Variants in UBE2E2 observed in about 807,000 individuals in gnomAD.
The protein encoded by UBE2E2 is ubiquitin conjugating enzyme E2 E2, also known as ubiquitin-conjugating enzyme E2 E2.
In UBE2E2, 6 loss-of-function variants were observed where a neutral mutation model predicts 24.7. The observed-to-expected ratio is 0.24, with a 90% CI of 0.13 to 0.48. The LOEUF is 0.48. UBE2E2 is among the 20% of genes least tolerant of loss of function. The pLI, the probability that UBE2E2 is intolerant of heterozygous loss-of-function variation, is 0.99. For missense variants in UBE2E2, 169 were observed against 245.0 expected (o/e 0.69, Z 2.07); for synonymous variants, 104 against 83.6 (o/e 1.24, Z -1.33).
At chr3:23,366,471 T>A (rs755483006) in intron 3 of UBE2E2, among the ~76,000 whole-genome samples, 16 of 152,270 alleles carry the variant, frequency 1.1e-4, no homozygotes, top group East Asian at 1.9e-4. Flanking sequence ...TATGCAGCCA[T>A]TAAAAAAGAA....
intron 3 of UBE2E2, among the ~76,000 whole-genome samples, chr3:23,268,975 G>A (rs1218906561): frequency 5.3e-5 from 8 of 151,894 alleles, no homozygotes; most frequent in Non-Finnish European, 1.2e-4. Flanking sequence ...TTTAATAAAT[G>A]GTGCTGGGAA....
chr3:23,411,847 A>T (rs1271646559), intron 3 of UBE2E2, among the ~76,000 whole-genome samples: 1 of 152,192 alleles, frequency 6.6e-6, no homozygotes, highest in Non-Finnish European at 1.5e-5. Flanking sequence ...TATAATTATT[A>T]TGTGTGATGA....
At chr3:23,519,441 A>G (rs1016194833) in intron 4 of UBE2E2, among the ~76,000 whole-genome samples, 2 of 152,148 alleles carry the variant, frequency 1.3e-5, no homozygotes, top group Non-Finnish European at 2.9e-5. Flanking sequence ...TGTTACTTTC[A>G]GTGTACAGTA....
At chr3:23,582,891 G>GTGTGTGTGTA (rs1553622745) in intron 5 of UBE2E2, among the ~76,000 whole-genome samples, 22,485 of 148,474 alleles carry the variant, frequency 0.15, 1,659 homozygotes, top group East Asian at 0.29. Flanking sequence ...GTGTGTGTGT[G>GTGTGTGTGTA]TGTTGTGTGT....
chr3:23,210,098 T>C (rs545235291), intron 2 of UBE2E2, among the ~76,000 whole-genome samples: 6 of 151,178 alleles, frequency 4.0e-5, no homozygotes, highest in Non-Finnish European at 8.8e-5. Context: ...ACCTGGAAAA[T>C]GGGGGGTGGG....
chr3:23,532,235 C>T (rs1695140065), intron 4 of UBE2E2, among the ~76,000 whole-genome samples: 2 of 152,010 alleles, frequency 1.3e-5, no homozygotes, highest in South Asian at 4.2e-4. Flanking sequence ...CAGTTTCTCC[C>T]CATGAACATT....
chr3:23,579,240 C>T (rs2125517564), intron 5 of UBE2E2, among the ~76,000 whole-genome samples: 1 of 152,154 alleles, frequency 6.6e-6, no homozygotes, highest in East Asian at 1.9e-4. Flanking sequence ...AAAAAATTAG[C>T]CAGGCATGAT....
At chr3:23,457,641 A>G (rs999934415) in intron 3 of UBE2E2, among the ~76,000 whole-genome samples, 3 of 152,070 alleles carry the variant, frequency 2.0e-5, no homozygotes, top group African/African-American at 7.2e-5. Flanking sequence ...TCAGCCTCTC[A>G]GGTAACTTGG....
intron 5 of UBE2E2, among the ~76,000 whole-genome samples, chr3:23,538,228 A>G (rs1695311225): frequency 6.6e-6 from 1 of 152,162 alleles, no homozygotes; most frequent in Non-Finnish European, 1.5e-5. Context: ...TACGTGGCAC[A>G]ACATATAGCT....
chr3:23,354,543 A>C (rs1037625522), intron 3 of UBE2E2, among the ~76,000 whole-genome samples: 2 of 152,246 alleles, frequency 1.3e-5, no homozygotes, highest in Non-Finnish European at 2.9e-5. Context: ...CAAGAAAAAA[A>C]CAACCCCATC....
chr3:23,311,804 A>T (rs955123434), intron 3 of UBE2E2, among the ~76,000 whole-genome samples: 2 of 152,194 alleles, frequency 1.3e-5, no homozygotes, highest in Non-Finnish European at 2.9e-5. Context: ...ATATTTTGAC[A>T]CAGGCTTACA....
Position 23,566,479 on chromosome 3 carries a change from G to A in UBE2E2, c.509-23255G>A, listed in dbSNP as rs965186423. On this transcript the variant is annotated intron_variant, in intron 5 of 5. Transcript: ENST00000396703. ...TTAGTCCATTTGCATTGCTATAAAG[G>A]AATAACTGAGGCTGGGCAATTTATA... is the stretch of plus-strand genomic sequence containing the variant. Among the ~76,000 whole-genome samples, 3 of 152,156 alleles carry A rather than the reference G, an allele frequency of 2.0e-5. 1 individual carries two copies. The South Asian group carries it at 6.2e-4, about 32-fold the overall frequency.
intron 3 of UBE2E2, among the ~76,000 whole-genome samples, chr3:23,276,876 T>C (rs1698384844): frequency 6.6e-6 from 1 of 152,142 alleles, no homozygotes; most frequent in Non-Finnish European, 1.5e-5. Context: ...TTTTTCATAG[T>C]ATTAATATTT....
At chr3:23,486,814 G>A (rs372900784) in intron 3 of UBE2E2, among the ~76,000 whole-genome samples, 19 of 152,176 alleles carry the variant, frequency 1.2e-4, no homozygotes, top group East Asian at 7.8e-4. Flanking sequence ...GTCCATGGTC[G>A]GGCCTGGAAA....
intron 3 of UBE2E2, among the ~76,000 whole-genome samples, chr3:23,468,767 T>C (rs184800902): frequency 1.1e-4 from 16 of 152,346 alleles, no homozygotes; most frequent in Admixed American, 6.5e-4. Context: ...ACTAAATAAC[T>C]GCATGCATCT....
At chr3:23,524,596 G>T (rs564777808) in intron 4 of UBE2E2, among the ~76,000 whole-genome samples, 1 of 152,240 alleles carries the variant, frequency 6.6e-6, no homozygotes, top group African/African-American at 2.4e-5. Context: ...TACAACTCAT[G>T]GATCATGGAA....
intron 4 of UBE2E2, among the ~76,000 whole-genome samples, chr3:23,522,924 A>G (rs1239976084): frequency 6.6e-6 from 1 of 152,154 alleles, no homozygotes; most frequent in Admixed American, 6.5e-5. Flanking sequence ...ATGAACTCAC[A>G]CTCAAAGATT....
intron 5 of UBE2E2, among the ~76,000 whole-genome samples, chr3:23,560,753 G>T (rs576900946): frequency 2.6e-5 from 4 of 151,958 alleles, no homozygotes; most frequent in African/African-American, 7.3e-5. Context: ...TTTAATGATT[G>T]CCATTCTAAC....
chr3:23,466,744 T>G (rs1698927624), intron 3 of UBE2E2, among the ~76,000 whole-genome samples: 1 of 152,072 alleles, frequency 6.6e-6, no homozygotes, highest in Non-Finnish European at 1.5e-5. Flanking sequence ...ATTTTTTGTA[T>G]TTTTAGTAGA....
Sources: gnomAD v4.1 joint callset for allele counts (sites outside exome capture counted in the v4.1 genomes callset) on GRCh38, gnomAD v4.1.1 for gene constraint, MANE v1.5 for transcripts, NCBI Gene and HGNC (gene_info 2026-07-23, HGNC 2026-07-21) for gene names.